Variants in GALNT13 observed in about 807,000 individuals in gnomAD.
GALNT13 encodes UDP-GalNAc:polypeptide N-acetylgalactosaminyltransferase 13.
In GALNT13, 28 loss-of-function variants were observed where a neutral mutation model predicts 64.2. The observed-to-expected ratio is 0.44, with a 90% CI of 0.32 to 0.60. GALNT13 has a LOEUF of 0.60. Among genes scored for constraint, GALNT13 ranks in the 20% least tolerant of loss-of-function variants. The pLI, the probability that GALNT13 is intolerant of heterozygous loss-of-function variation, is 0.05. For synonymous variants in GALNT13, 214 were observed against 224.6 expected (o/e 0.95, Z 0.42); for missense variants, 577 against 669.8 (o/e 0.86, Z 1.53).
chr2:153,279,308 G>A, the GALNT13 span, among the ~76,000 whole-genome samples: 4 of 152,050 alleles, frequency 2.6e-5, no homozygotes, highest in African/African-American at 4.8e-5. Context: ...AGTGAAGAGA[G>A]GTAGTTCCAC....
chr2:154,409,312 A>T lies in GALNT13; in HGVS notation c.1395+230A>T, dbSNP rs1255110215. On this transcript the variant is annotated intron_variant, in intron 11 of 12. Coordinates refer to ENST00000392825, the MANE Select transcript of GALNT13 (RefSeq NM_052917.4). ...TTCAGTGTGCCTACAGTTAATGAAG[A>T]TATCCAAATATTTTAGACACATCTC... 93 of 502,104 alleles carry T rather than the reference A, an allele frequency of 1.9e-4. No individual in the cohort carries two copies. The East Asian group carries it at 3.2e-3, about 17-fold the overall frequency. 31.1% of individuals were successfully genotyped at this position (502,104 alleles called of 1,614,324 possible).
At chr2:153,973,625 G>A (rs1339827748) in intron 3 of GALNT13, among the ~76,000 whole-genome samples, 3 of 151,700 alleles carry the variant, frequency 2.0e-5, no homozygotes, top group Admixed American at 2.0e-4. Flanking sequence ...ACTGACAGCA[G>A]TTTGAGTTCA....
intron 10 of GALNT13, among the ~76,000 whole-genome samples, chr2:154,407,619 A>G (rs556133806): frequency 4.0e-4 from 61 of 152,134 alleles, no homozygotes; most frequent in African/African-American, 1.4e-3. Flanking sequence ...TTTTGCTTCT[A>G]GAAGCCCGTG....
At chr2:153,345,982 G>A in the GALNT13 span, among the ~76,000 whole-genome samples, 1 of 151,746 alleles carries the variant, frequency 6.6e-6, no homozygotes, top group South Asian at 2.1e-4. Context: ...TTGTTTGTAT[G>A]TTTGTTTTTT....
chr2:154,366,943 A>G (rs1382833676), intron 9 of GALNT13, among the ~76,000 whole-genome samples: 2 of 152,234 alleles, frequency 1.3e-5, no homozygotes, highest in African/African-American at 2.4e-5. Context: ...AGACTGGATT[A>G]TGAATGATAT....
chr2:154,268,791 A>G (rs1250132684), intron 8 of GALNT13, among the ~76,000 whole-genome samples: 2 of 152,128 alleles, frequency 1.3e-5, no homozygotes, highest in Non-Finnish European at 2.9e-5. Context: ...TCTGATTATA[A>G]CAGTCTACCT....
At chr2:153,815,249 A>G in the GALNT13 span, among the ~76,000 whole-genome samples, 1 of 152,174 alleles carries the variant, frequency 6.6e-6, no homozygotes, top group African/African-American at 2.4e-5. Flanking sequence ...CTATAAATCT[A>G]TTGCCACTGC....
chr2:153,243,812 A>G, the GALNT13 span, among the ~76,000 whole-genome samples: 1 of 152,168 alleles, frequency 6.6e-6, no homozygotes, highest in Non-Finnish European at 1.5e-5. Flanking sequence ...TAAAATGAAA[A>G]CACACTGATG....
At chr2:153,971,262 C>A (rs985641190) in intron 3 of GALNT13, among the ~76,000 whole-genome samples, 3 of 152,042 alleles carry the variant, frequency 2.0e-5, no homozygotes, top group Admixed American at 6.6e-5. Flanking sequence ...TAAATTGTTC[C>A]CCATCTCTAC....
chr2:154,116,679 C>T (rs1243234720), intron 3 of GALNT13, among the ~76,000 whole-genome samples: 2 of 152,118 alleles, frequency 1.3e-5, no homozygotes, highest in Non-Finnish European at 2.9e-5. Context: ...GTATAACTCT[C>T]CAAACAGTTT....
chr2:153,974,562 G>A (rs780566183), intron 3 of GALNT13, among the ~76,000 whole-genome samples: 15 of 152,030 alleles, frequency 9.9e-5, no homozygotes, highest in Non-Finnish European at 1.9e-4. Context: ...TTGCATGCTA[G>A]TGGAGGAGAT....
chr2:154,094,135 G>A (rs1701958400), intron 3 of GALNT13, among the ~76,000 whole-genome samples: 1 of 151,800 alleles, frequency 6.6e-6, no homozygotes, highest in Non-Finnish European at 1.5e-5. Flanking sequence ...TTCCCAGGCC[G>A]ATTTCTTATG....
At chr2:154,330,027 T>G (rs1394755215) in intron 9 of GALNT13, among the ~76,000 whole-genome samples, 1 of 152,024 alleles carries the variant, frequency 6.6e-6, no homozygotes, top group Admixed American at 6.6e-5. Flanking sequence ...TTAAATAGAC[T>G]AAGACATCAG....
chr2:153,605,650 G>A, the GALNT13 span, among the ~76,000 whole-genome samples: 1 of 151,932 alleles, frequency 6.6e-6, no homozygotes, highest in Non-Finnish European at 1.5e-5. Flanking sequence ...CTTTTACCTA[G>A]AGTAAAAAGA....
At chr2:153,725,883 TTG>T in the GALNT13 span, among the ~76,000 whole-genome samples, 3 of 151,796 alleles carry the variant, frequency 2.0e-5, no homozygotes, top group Non-Finnish European at 2.9e-5. Context: ...ACACTATCTT[TTG>T]TGTGTGTATA....
At chr2:154,004,988 A>T (rs1169464127) in intron 3 of GALNT13, among the ~76,000 whole-genome samples, 1 of 152,156 alleles carries the variant, frequency 6.6e-6, no homozygotes, top group Non-Finnish European at 1.5e-5. Context: ...GTAACTTTTA[A>T]TAAGGGCTCA....
the GALNT13 span, among the ~76,000 whole-genome samples, chr2:153,214,913 G>GT: frequency 6.6e-6 from 1 of 151,930 alleles, no homozygotes; most frequent in Admixed American, 6.6e-5. Flanking sequence ...AAACTCTTGG[G>GT]TATCCAAACA....
the GALNT13 span, among the ~76,000 whole-genome samples, chr2:153,211,682 G>GT: frequency 1.3e-5 from 2 of 152,176 alleles, no homozygotes; most frequent in African/African-American, 4.8e-5. Flanking sequence ...TCACCTAGAT[G>GT]TTAGTGATGC....
the GALNT13 span, among the ~76,000 whole-genome samples, chr2:153,270,559 C>A: frequency 6.6e-6 from 1 of 152,176 alleles, no homozygotes; most frequent in African/African-American, 2.4e-5. Flanking sequence ...GCAGTTTAAG[C>A]TGTAAAAACA....
Sources: allele counts gnomAD v4.1 joint callset (sites outside exome capture counted in the v4.1 genomes callset), GRCh38; gene constraint gnomAD v4.1.1; transcripts MANE v1.5; gene names NCBI Gene and HGNC (gene_info 2026-07-23, HGNC 2026-07-21).